The following ENAH variants were observed in gnomAD, a reference collection of about 807,000 sequenced individuals.
ENAH encodes protein enabled homolog.
A neutral mutation model predicts 78.7 loss-of-function variants in ENAH; 23 were observed. The ratio of observed to expected loss-of-function variants is 0.29; its 90% CI spans 0.21 to 0.41. The LOEUF (loss-of-function observed/expected upper bound fraction) is 0.41. Ranked by LOEUF, ENAH falls within the 10% of genes least tolerant of loss-of-function variation. The pLI, the probability that ENAH is intolerant of heterozygous loss-of-function variation, is 1.00. For synonymous variants in ENAH, 226 were observed against 241.0 expected, an observed-to-expected ratio of 0.94 and a Z score of 0.58; for missense variants, 544 against 691.0, an observed-to-expected ratio of 0.79 and a Z score of 2.39.
intron 1 of ENAH, among the ~76,000 whole-genome samples, chr1:225,634,582 G>A (rs1319649387): frequency 6.6e-6 from 1 of 152,192 alleles, no homozygotes; most frequent in Non-Finnish European, 1.5e-5. Context: ...AACTCTGAAA[G>A]TAGGCACTGA....
intron 7 of ENAH, 101 bp from the exon 8 acceptor site, chr1:225,513,117 T>TA (rs2096389874): frequency 9.7e-7 from 1 of 1,027,992 alleles, no homozygotes; most frequent in African/African-American, 1.7e-5. Context: ...GCATTAATTT[T>TA]AAAAAACCTA....
intron 1 of ENAH, among the ~76,000 whole-genome samples, chr1:225,577,686 G>A (rs1323273231): frequency 6.6e-6 from 1 of 152,136 alleles, no homozygotes; most frequent in South Asian, 2.1e-4. Flanking sequence ...AAAGAAAATG[G>A]TCAGTCTAAA....
intron 1 of ENAH, among the ~76,000 whole-genome samples, chr1:225,641,953 A>G (rs1422526143): frequency 3.3e-5 from 5 of 152,118 alleles, no homozygotes; most frequent in African/African-American, 9.7e-5. Flanking sequence ...CCCGGGAAGC[A>G]GAGGTTGCAG....
intron 2 of ENAH, among the ~76,000 whole-genome samples, chr1:225,564,918 C>CA (rs1315094070): frequency 6.6e-6 from 1 of 151,928 alleles, no homozygotes; most frequent in Admixed American, 6.6e-5. Context: ...AGATGTCCTA[C>CA]AGGTTTCTAT....
At chr1:225,632,497 CAAA>C (rs55973162) in intron 1 of ENAH, among the ~76,000 whole-genome samples, 1 of 102,448 alleles carries the variant, frequency 9.8e-6, no homozygotes, top group Non-Finnish European at 1.9e-5. Flanking sequence ...GACTCCGTCT[CAAA>C]AAAAAAAAAA....
chr1:225,526,523 G>A (rs1261386657), intron 4 of ENAH, among the ~76,000 whole-genome samples: 3 of 151,860 alleles, frequency 2.0e-5, no homozygotes, highest in Admixed American at 6.6e-5. Context: ...ATTTTTAGTA[G>A]AGACCGGGTT....
chr1:225,546,400 G>C (rs79753721), intron 3 of ENAH, among the ~76,000 whole-genome samples: 1 of 152,264 alleles, frequency 6.6e-6, no homozygotes, highest in African/African-American at 2.4e-5. Flanking sequence ...CCAGAACTTT[G>C]AGGTTGTTCC....
In ENAH at chr1:225,487,170, G is replaced by T. The variant is rs997492518; in HGVS notation, c.*10605C>A. The T allele has an allele frequency of 4.6e-5, 7 of 152,246 alleles. No homozygotes were observed. The highest frequency in any genetic ancestry group is 8.8e-5 in the Non-Finnish European group (6 of 68,038). 9.4% of individuals were successfully genotyped at this position (152,246 alleles called of 1,614,324 possible). A position where few individuals can be genotyped will look rare whatever the true frequency, so the allele number is the denominator to read the frequency against. ...TGAAATTGCATGCAATTCACACAGA[G>T]AATCATTTTGAAGGCACTGTATTTT... On this transcript the variant is annotated 3_prime_UTR_variant, in exon 14 of 14. Transcript: ENST00000366843.
Position 225,530,540 on chromosome 1 carries a change from A to T in ENAH, c.434+14T>A, listed in dbSNP as rs2096533026. On this transcript the variant is annotated intron_variant, in intron 4 of 13. Coordinates refer to ENST00000366843, the MANE Select transcript of ENAH (RefSeq NM_018212.6). The stretch of plus-strand genomic sequence containing the variant: ...GCATAAAGAAAAAGTACAAACAATA[A>T]CTTGAAAATTTACCTTCTTTGAATT... 6.3e-7 allele frequency: 1 copy of T among 1,595,726 alleles called. No homozygotes were observed. The highest frequency in any genetic ancestry group is 8.6e-7 in the Non-Finnish European group (1 of 1,163,594).
intron 1 of ENAH, among the ~76,000 whole-genome samples, chr1:225,598,564 C>A (rs2096914165): frequency 6.6e-6 from 1 of 151,486 alleles, no homozygotes; most frequent in Admixed American, 6.6e-5. Context: ...ACAGGAATAA[C>A]CATCTCTATG....
chr1:225,533,161 A>G (rs2096546270), intron 3 of ENAH, among the ~76,000 whole-genome samples: 1 of 152,176 alleles, frequency 6.6e-6, no homozygotes, highest in Non-Finnish European at 1.5e-5. Context: ...TACTATAAAC[A>G]TTAAAAGTTC....
At chr1:225,639,912 T>C (rs2840968) in intron 1 of ENAH, among the ~76,000 whole-genome samples, 61,205 of 151,892 alleles carry the variant, frequency 0.4, 14,131 homozygotes, top group African/African-American at 0.64. Flanking sequence ...ATGTGTGGAG[T>C]CTACCTTACC....
chr1:225,636,064 C>T (rs932842931), intron 1 of ENAH, among the ~76,000 whole-genome samples: 6 of 152,174 alleles, frequency 3.9e-5, no homozygotes, highest in African/African-American at 1.4e-4. Context: ...TAAGCCAATT[C>T]CTTTAAATAA....
intron 2 of ENAH, among the ~76,000 whole-genome samples, chr1:225,565,396 T>C (rs550873789): frequency 2.0e-5 from 3 of 151,882 alleles, no homozygotes; most frequent in South Asian, 2.1e-4. Context: ...AATCACGCCA[T>C]TGCACTCCAC....
chr1:225,514,059 T>C (rs2096397796), intron 7 of ENAH, among the ~76,000 whole-genome samples: 1 of 152,134 alleles, frequency 6.6e-6, no homozygotes, highest in African/African-American at 2.4e-5. Flanking sequence ...AAAAAGCAAA[T>C]ACTGGTAAAA....
At chr1:225,545,910 C>CTT (rs56105983) in intron 3 of ENAH, among the ~76,000 whole-genome samples, 2 of 109,466 alleles carry the variant, frequency 1.8e-5, no homozygotes, top group Admixed American at 1.0e-4. Context: ...CATCTGTAAA[C>CTT]TTTTTTTTTT....
intron 3 of ENAH, among the ~76,000 whole-genome samples, chr1:225,552,167 T>G (rs897595229): frequency 6.8e-6 from 1 of 147,112 alleles, no homozygotes; most frequent in African/African-American, 2.5e-5. Flanking sequence ...GACAGAGTCT[T>G]GCTCAGTCGC....
At chr1:225,498,310 T>G (rs762492998) in intron 13 of ENAH, 37 bp downstream of exon 13, 1 of 1,513,108 alleles carries the variant, frequency 6.6e-7, no homozygotes, top group South Asian at 1.2e-5. Context: ...TCTTAAACAT[T>G]GTTTTATAGG....
chr1:225,627,633 G>A (rs1658191264), intron 1 of ENAH, among the ~76,000 whole-genome samples: 1 of 152,160 alleles, frequency 6.6e-6, no homozygotes, highest in Non-Finnish European at 1.5e-5. Flanking sequence ...TATTCAGGGA[G>A]AAAATTTTCC....
Sources: allele counts gnomAD v4.1 joint callset (sites outside exome capture counted in the v4.1 genomes callset), GRCh38; gene constraint gnomAD v4.1.1; transcripts MANE v1.5; gene names NCBI Gene and HGNC (gene_info 2026-07-23, HGNC 2026-07-21).